ITGB5: variants seen among roughly 807,000 people sequenced by gnomAD.
The protein encoded by ITGB5 is integrin beta-5.
ITGB5 carries 38 observed loss-of-function variants against 84.8 expected under a neutral mutation model. That is an observed-to-expected ratio of 0.45 (90% CI 0.35 to 0.59). The LOEUF (loss-of-function observed/expected upper bound fraction) is 0.59. ITGB5 is among the 20% of genes least tolerant of loss of function. ITGB5 has a pLI of 0.01. For missense variants in ITGB5, 905 were observed against 1,034.5 expected, an observed-to-expected ratio of 0.87 and a Z score of 1.72; for synonymous variants, 393 against 414.4, an observed-to-expected ratio of 0.95 and a Z score of 0.63.
intron 3 of ITGB5, among the ~76,000 whole-genome samples, chr3:124,855,673 G>T (rs1400218008): frequency 3.3e-5 from 5 of 152,014 alleles, no homozygotes. Flanking sequence ...TTTTCAGGAG[G>T]CAGTCAGCTC....
At chr3:124,886,860 C>T in intron 1 of ITGB5, 71 bp downstream of exon 1, 1 of 1,002,396 alleles carries the variant, frequency 1.0e-6, no homozygotes. Context: ...GCTCCCCGCC[C>T]CTCCGAGACG....
intron 2 of ITGB5, 138 bp from the exon 3 acceptor site, chr3:124,859,584 T>A (rs562360261): frequency 4.6e-6 from 3 of 655,526 alleles, no homozygotes; most frequent in Non-Finnish European, 8.0e-6. Context: ...ATGGAGGAAA[T>A]GGTAATCCCT....
intron 10 of ITGB5, among the ~76,000 whole-genome samples, chr3:124,775,366 G>A (rs755904756): frequency 6.6e-6 from 1 of 151,934 alleles, no homozygotes; most frequent in Non-Finnish European, 1.5e-5. Context: ...GTGTGTGAGT[G>A]CGAGCATCTG....
intron 8 of ITGB5, among the ~76,000 whole-genome samples, chr3:124,811,704 A>G (rs1228877891): frequency 6.6e-6 from 1 of 152,214 alleles, no homozygotes; most frequent in East Asian, 1.9e-4. Context: ...GTTCTGATAT[A>G]AAGTTTGTAT....
At chr3:124,825,845 A>T (rs1406538351) in intron 5 of ITGB5, among the ~76,000 whole-genome samples, 1 of 152,206 alleles carries the variant, frequency 6.6e-6, no homozygotes, top group South Asian at 2.1e-4. Flanking sequence ...CTTCAGGGGA[A>T]TCTATCCACA....
chr3:124,851,368 A>G (rs1180358727), intron 3 of ITGB5, among the ~76,000 whole-genome samples: 1 of 152,200 alleles, frequency 6.6e-6, no homozygotes, highest in Non-Finnish European at 1.5e-5. Flanking sequence ...GGTTTTCCCA[A>G]AAGTCAATTA....
chr3:124,781,683 G>A (rs1335159362), intron 10 of ITGB5, among the ~76,000 whole-genome samples: 2 of 152,126 alleles, frequency 1.3e-5, no homozygotes, highest in Non-Finnish European at 2.9e-5. Context: ...ACCATGCCTG[G>A]GGGAGTTATG....
intron 11 of ITGB5, among the ~76,000 whole-genome samples, chr3:124,772,587 A>G (rs371097645): frequency 1.3e-5 from 2 of 152,328 alleles, no homozygotes; most frequent in East Asian, 1.9e-4. Context: ...CCTCCTTAGC[A>G]TGGGTAATGA....
At chr3:124,768,253 C>T (rs6792936) in intron 12 of ITGB5, among the ~76,000 whole-genome samples, 25,160 of 152,152 alleles carry the variant, frequency 0.17, 2,293 homozygotes, top group Admixed American at 0.25. Flanking sequence ...CACAGATTCC[C>T]TTTCAAGGTG....
chr3:124,818,159 A>T (rs972270114), intron 7 of ITGB5, among the ~76,000 whole-genome samples: 1 of 152,050 alleles, frequency 6.6e-6, no homozygotes, highest in African/African-American at 2.4e-5. Context: ...AAGGGTCTCA[A>T]GTATAGACCC....
chr3:124,795,566 G>A (rs1229963200), intron 10 of ITGB5, among the ~76,000 whole-genome samples: 3 of 152,112 alleles, frequency 2.0e-5, no homozygotes, highest in Admixed American at 6.5e-5. Context: ...CCTGGAACCT[G>A]TGACTGTGTG....
chr3:124,846,302 G>A lies in ITGB5; in HGVS notation c.611+2007C>T, dbSNP rs151289550. Among the ~76,000 whole-genome samples the A allele has an allele frequency of 9.1e-4, 139 of 152,190 alleles. 2 individuals are homozygous for A. Among genetic ancestry groups the A allele is most frequent in the Admixed American group, 5.4e-3 (83 of 15,286 alleles). On this transcript the variant is annotated intron_variant, in intron 4 of 14. Coordinates refer to ENST00000296181, the MANE Select transcript of ITGB5 (RefSeq NM_002213.5). ...GATTTAAGAACAGCTCTCTCCCCTT[G>A]GTGGCAGCTGGAAGACCAAGAATTG...
intron 5 of ITGB5, among the ~76,000 whole-genome samples, chr3:124,833,372 C>T (rs151042108): frequency 8.3e-4 from 127 of 152,252 alleles, no homozygotes; most frequent in African/African-American, 2.8e-3. Context: ...CAATAAATAT[C>T]AATAATTTTA....
intron 2 of ITGB5, among the ~76,000 whole-genome samples, chr3:124,873,097 G>C (rs1044772736): frequency 1.3e-5 from 2 of 152,158 alleles, no homozygotes; most frequent in Non-Finnish European, 2.9e-5. Context: ...GATATGTTTT[G>C]AATCATTATG....
intron 9 of ITGB5, among the ~76,000 whole-genome samples, chr3:124,798,851 G>A (rs2064273930): frequency 1.3e-5 from 2 of 152,246 alleles, no homozygotes; most frequent in African/African-American, 4.8e-5. Flanking sequence ...AGGGACACGG[G>A]GAGAGGGGAG....
chr3:124,868,827 A>T (rs1303394732), intron 2 of ITGB5, among the ~76,000 whole-genome samples: 1 of 151,718 alleles, frequency 6.6e-6, no homozygotes, highest in Non-Finnish European at 1.5e-5. Flanking sequence ...AAATGATTAA[A>T]AATGAAAAAA....
chr3:124,846,499 T>C (rs953890435), intron 4 of ITGB5, among the ~76,000 whole-genome samples: 14 of 151,488 alleles, frequency 9.2e-5, no homozygotes, highest in African/African-American at 2.9e-4. Context: ...TCTACGTTAC[T>C]GCAGCATAAC....
chr3:124,858,425 A>C (rs1355447308), intron 3 of ITGB5, among the ~76,000 whole-genome samples: 1 of 152,204 alleles, frequency 6.6e-6, no homozygotes, highest in Admixed American at 6.5e-5. Flanking sequence ...CTAAGGAGTA[A>C]ATCTACCAGC....
At position 124,887,079 on chromosome 3, in the gene ITGB5, G is replaced by GGGGCCGA. The variant is rs1349191023; in HGVS notation, c.-86_-80dup. ...CGGCCGGGGCTGGGGCCGGAGCGCG[G>GGGGCCGA]GGGCCGAGGGCCGGGGGCCGCAGCC... On this transcript the variant is annotated 5_prime_UTR_variant, in exon 1 of 15. An upstream open reading frame in the 5' UTR loses its in-frame stop. Coordinates refer to ENST00000296181, the MANE Select transcript of ITGB5 (RefSeq NM_002213.5). 1 of 509,450 alleles carries GGGGCCGA rather than the reference G, an allele frequency of 2.0e-6. No homozygotes were observed. The highest frequency in any genetic ancestry group is 1.5e-4 in the East Asian group (1 of 6,720). The allele number at this position is 509,450 out of a possible 1,614,324, so 31.6% of individuals were successfully genotyped here.
Sources: gnomAD v4.1 joint callset for allele counts (sites outside exome capture counted in the v4.1 genomes callset) on GRCh38, gnomAD v4.1.1 for gene constraint, MANE v1.5 for transcripts, NCBI Gene and HGNC (gene_info 2026-07-23, HGNC 2026-07-21) for gene names.